Variants in MGLL observed in about 807,000 individuals in gnomAD.
MGLL encodes monoglyceride lipase, also known as lysophospholipase homolog.
MGLL carries 7 observed loss-of-function variants against 29.1 expected under a neutral mutation model. The ratio of observed to expected loss-of-function variants is 0.24; its 90% CI spans 0.14 to 0.45. The LOEUF (loss-of-function observed/expected upper bound fraction) is 0.45. Among genes scored for constraint, MGLL ranks in the 20% least tolerant of loss-of-function variants. The pLI is 0.99. For synonymous variants in MGLL, 148 were observed against 168.3 expected (o/e 0.88, Z 0.93); for missense variants, 356 against 413.6 (o/e 0.86, Z 1.21).
At chr3:127,712,345 C>T (rs888178842) in intron 5 of MGLL, 8 of 152,248 alleles carry the variant, frequency 5.3e-5, no homozygotes, top group Admixed American at 1.3e-4. Flanking sequence ...GTCCTAGGCC[C>T]GCACAAGTGT....
chr3:127,737,645 T>C (rs1447369706), intron 3 of MGLL, among the ~76,000 whole-genome samples: 2 of 130,896 alleles, frequency 1.5e-5, no homozygotes, highest in African/African-American at 6.2e-5. Flanking sequence ...TTTTTTTTTT[T>C]TTTTTTTTTT....
In MGLL at chr3:127,692,348, C is replaced by T. The variant is rs1429370880; in HGVS notation, c.817-25G>A. 2.5e-6 allele frequency: 4 copies of T among 1,613,678 alleles called. No homozygotes were observed. In the African/African-American group the frequency reaches 5.3e-5, roughly 22 times the overall value. Reference sequence around the variant, plus strand: ...TCTGCAATGAGGAGAGACACGGAATCAGAGCTGCACCATCAGAGGCAGGTG... The same window carrying T: ...TCTGCAATGAGGAGAGACACGGAATTAGAGCTGCACCATCAGAGGCAGGTG... On this transcript the variant is annotated intron_variant, in intron 7 of 7. Transcript: ENST00000265052.
At chr3:127,750,136 G>A (rs963965015) in intron 3 of MGLL, among the ~76,000 whole-genome samples, 4 of 152,168 alleles carry the variant, frequency 2.6e-5, no homozygotes, top group South Asian at 2.1e-4. Context: ...CCCTCTGCCC[G>A]TGTGTGGGGA....
At chr3:127,695,260 G>T in intron 6 of MGLL, 70 bp from the exon 7 acceptor site, 1 of 1,490,228 alleles carries the variant, frequency 6.7e-7, no homozygotes. Context: ...CCTATTTCCT[G>T]GTAGCTTTTC....
At chr3:127,694,306 T>A (rs2075308817) in intron 7 of MGLL, among the ~76,000 whole-genome samples, 3 of 128,644 alleles carry the variant, frequency 2.3e-5, no homozygotes, top group Non-Finnish European at 5.0e-5. Flanking sequence ...TATATATATA[T>A]ATGTATGTGT....
chr3:127,746,162 G>A (rs964825806), intron 3 of MGLL, among the ~76,000 whole-genome samples: 1 of 152,146 alleles, frequency 6.6e-6, no homozygotes, highest in African/African-American at 2.4e-5. Context: ...GGATGGTGAG[G>A]ATGGAGCTGA....
At chr3:127,723,786 C>T (rs144874357) in intron 3 of MGLL, among the ~76,000 whole-genome samples, 52 of 152,366 alleles carry the variant, frequency 3.4e-4, no homozygotes, top group East Asian at 1.9e-3. Flanking sequence ...CACCTTCCCA[C>T]GCTGAGACTA....
intron 3 of MGLL, among the ~76,000 whole-genome samples, chr3:127,769,489 C>T (rs1244928979): frequency 1.3e-5 from 2 of 152,230 alleles, no homozygotes; most frequent in Non-Finnish European, 2.9e-5. Flanking sequence ...CCATAGTCCA[C>T]ACTAAAACCC....
chr3:127,818,258 CG>C (rs1280688107), intron 2 of MGLL, among the ~76,000 whole-genome samples: 1 of 152,172 alleles, frequency 6.6e-6, no homozygotes, highest in African/African-American at 2.4e-5. Flanking sequence ...CCACTGCACC[CG>C]GCCAATATTT....
intron 3 of MGLL, among the ~76,000 whole-genome samples, chr3:127,746,664 C>T (rs1053645899): frequency 6.6e-6 from 1 of 152,124 alleles, no homozygotes; most frequent in Non-Finnish European, 1.5e-5. Context: ...GTTCACATTC[C>T]ACTCTTCCGT....
Position 127,722,631 on chromosome 3 carries a change from GTTCTCCTCACT to G in MGLL, c.263-76_263-66del. The stretch of plus-strand genomic sequence containing the variant: ...AGGTCGACTCCTACACAAGCCCAGA[GTTCTCCTCACT>G]GCAATCGCTCTCTCTCCTGAGCGCC... On this transcript the variant is annotated intron_variant, in intron 3 of 7. Transcript: ENST00000265052. The G allele has an allele frequency of 3.7e-6, 6 of 1,606,428 alleles. 1 individual carries two copies. Among genetic ancestry groups the G allele is most frequent in the African/African-American group, 2.7e-5 (2 of 74,860 alleles).
At chr3:127,754,522 G>A (rs1173743896) in intron 3 of MGLL, among the ~76,000 whole-genome samples, 1 of 152,240 alleles carries the variant, frequency 6.6e-6, no homozygotes, top group African/African-American at 2.4e-5. Context: ...GGCCCCGCTA[G>A]GCAGCAGTAC....
At chr3:127,709,469 C>G (rs1026059287) in intron 6 of MGLL, among the ~76,000 whole-genome samples, 2 of 152,236 alleles carry the variant, frequency 1.3e-5, no homozygotes, top group Admixed American at 6.5e-5. Context: ...TCCTACACAC[C>G]ACGGGCTATT....
chr3:127,770,644 C>T (rs986784879), intron 3 of MGLL, among the ~76,000 whole-genome samples: 3 of 152,130 alleles, frequency 2.0e-5, no homozygotes, highest in African/African-American at 7.2e-5. Flanking sequence ...AGAGGGAGTC[C>T]CGTAAATGAA....
In MGLL at chr3:127,692,094, A is replaced by ATTTTTTTTTTT. The variant is rs11433015; in HGVS notation, c.*93_*103dup. ...GTGCTAAGGATTTCTCCAATTTCTG[A>ATTTTTTTTTTT]TTTTTTTTTTTTTTTTTTTTTGGCA... is the stretch of plus-strand genomic sequence containing the variant. On this transcript the variant is annotated 3_prime_UTR_variant, in exon 8 of 8. Coordinates refer to ENST00000265052, the MANE Select transcript of MGLL (RefSeq NM_007283.7). 28 of 709,168 alleles carry ATTTTTTTTTTT rather than the reference A, an allele frequency of 3.9e-5. 5 individuals are homozygous for ATTTTTTTTTTT. The highest frequency in any genetic ancestry group is 9.8e-5 in the South Asian group (6 of 60,924). The allele number at this position is 709,168 out of a possible 1,614,324, so 43.9% of individuals were successfully genotyped here.
At chr3:127,700,788 C>G (rs1417609081) in intron 6 of MGLL, among the ~76,000 whole-genome samples, 1 of 152,204 alleles carries the variant, frequency 6.6e-6, no homozygotes, top group Admixed American at 6.5e-5. Context: ...CTTGTCATTT[C>G]ATTCAGTGAA....
intron 3 of MGLL, among the ~76,000 whole-genome samples, chr3:127,738,645 C>T (rs1158259540): frequency 6.6e-6 from 1 of 152,196 alleles, no homozygotes; most frequent in East Asian, 1.9e-4. Flanking sequence ...CTGGCCCTCT[C>T]CATCTGGGCA....
At chr3:127,751,322 T>C (rs1216990441) in intron 3 of MGLL, among the ~76,000 whole-genome samples, 2 of 151,804 alleles carry the variant, frequency 1.3e-5, no homozygotes, top group African/African-American at 4.8e-5. Context: ...TGCTTGTGAC[T>C]CACTCGGACC....
At chr3:127,789,098 T>C (rs1238859402) in intron 2 of MGLL, among the ~76,000 whole-genome samples, 3 of 151,496 alleles carry the variant, frequency 2.0e-5, no homozygotes, top group Admixed American at 2.0e-4. Flanking sequence ...GGAACTCTCT[T>C]GGGCTCAAAA....
Sources: allele counts gnomAD v4.1 joint callset (sites outside exome capture counted in the v4.1 genomes callset), GRCh38; gene constraint gnomAD v4.1.1; transcripts MANE v1.5; gene names NCBI Gene and HGNC (gene_info 2026-07-23, HGNC 2026-07-21).